The following SEC63 variants were observed in gnomAD, a reference collection of about 807,000 sequenced individuals.
The protein encoded by SEC63 is SEC63 protein translocation regulator, also known as translocation protein SEC63 homolog.
In SEC63, 56 loss-of-function variants were observed where a neutral mutation model predicts 116.2. The observed-to-expected ratio is 0.48, with a 90% CI of 0.39 to 0.60. The LOEUF is 0.60. Ranked by LOEUF, SEC63 falls within the 20% of genes least tolerant of loss-of-function variation. The probability of loss-of-function intolerance (pLI) is 0.00; values close to 1 mark genes in which losing one functional copy is unlikely to be tolerated. For missense variants in SEC63, 668 were observed against 900.0 expected, an observed-to-expected ratio of 0.74 and a Z score of 3.30; for synonymous variants, 273 against 294.6, an observed-to-expected ratio of 0.93 and a Z score of 0.75.
intron 4 of SEC63, among the ~76,000 whole-genome samples, chr6:107,920,656 T>C (rs1242661581): frequency 6.6e-6 from 1 of 152,114 alleles, no homozygotes; most frequent in Non-Finnish European, 1.5e-5. Context: ...CATCACTGAG[T>C]CCTCAAAAGA....
intron 16 of SEC63, among the ~76,000 whole-genome samples, chr6:107,887,646 C>T (rs1786565142): frequency 6.6e-6 from 1 of 152,000 alleles, no homozygotes; most frequent in African/African-American, 2.4e-5. Context: ...ATACCTAATG[C>T]TAGATGACGA....
At chr6:107,876,366 A>G (rs1786266074) in intron 19 of SEC63, among the ~76,000 whole-genome samples, 198 bp downstream of exon 19, 1 of 152,206 alleles carries the variant, frequency 6.6e-6, no homozygotes, top group African/African-American at 2.4e-5. Flanking sequence ...AACATTGACT[A>G]AGTTGCCTAC....
chr6:107,903,001 TAGAA>T lies in SEC63; in HGVS notation c.1055-7_1055-4del, dbSNP rs781736992. ...AGTTGGAGCACGAAACTCCCTTTCT[TAGAA>T]AGAACAGGAAAAAAAGAAACAGGGC... is the stretch of plus-strand genomic sequence containing the variant. On this transcript the variant is annotated splice_region_variant and splice_polypyrimidine_tract_variant and intron_variant, in intron 11 of 20. Coordinates refer to ENST00000369002, the MANE Select transcript of SEC63 (RefSeq NM_007214.5). 1.2e-6 allele frequency: 2 copies of T among 1,613,886 alleles called. No individual in the cohort carries two copies. The highest frequency in any genetic ancestry group is 8.5e-7 in the Non-Finnish European group (1 of 1,179,948).
Position 107,918,904 on chromosome 6 carries a change from C to T in SEC63, c.452+2893G>A, listed in dbSNP as rs2744221. 3.4e-3 allele frequency among the ~76,000 whole-genome samples: 184 copies of T among 54,764 alleles called. 15 individuals carry two copies. The highest frequency in any genetic ancestry group is 0.017 in the Middle Eastern group (1 of 60). 35.9% of individuals were successfully genotyped at this position (54,764 alleles called of 152,430 possible). A position where few individuals can be genotyped will look rare whatever the true frequency, so the allele number is the denominator to read the frequency against. On this transcript the variant is annotated intron_variant, in intron 4 of 20. Transcript: ENST00000369002. ...GAGGAGTTTGGTAGAAGCTGATTTC[C>T]TTTTTTTTTTTTTTTTTTTTTTTTG...
At chr6:107,953,885 G>C (rs1186552404) in intron 1 of SEC63, among the ~76,000 whole-genome samples, 1 of 151,810 alleles carries the variant, frequency 6.6e-6, no homozygotes, top group Non-Finnish European at 1.5e-5. Context: ...CGGTCCGGGA[G>C]GTGAGGGGCG....
intron 14 of SEC63, 142 bp downstream of exon 14, chr6:107,897,502 ATTAAT>A: frequency 1.5e-6 from 1 of 685,748 alleles, no homozygotes; most frequent in South Asian, 1.7e-5. Flanking sequence ...TCTCATGAAA[ATTAAT>A]TTAAAATTTC....
chr6:107,874,410 C>T (rs1486840791), intron 19 of SEC63, among the ~76,000 whole-genome samples: 3 of 152,024 alleles, frequency 2.0e-5, no homozygotes. Context: ...ATGGCTAACA[C>T]AGTGAAACCC....
At chr6:107,895,723 TA>T (rs1786798030) in intron 14 of SEC63, among the ~76,000 whole-genome samples, 1 of 151,734 alleles carries the variant, frequency 6.6e-6, no homozygotes, top group Non-Finnish European at 1.5e-5. Context: ...GGAGAAAATA[TA>T]AATAATAGAA....
At chr6:107,927,308 C>T (rs1380851002) in intron 2 of SEC63, among the ~76,000 whole-genome samples, 7 of 152,184 alleles carry the variant, frequency 4.6e-5, no homozygotes, top group East Asian at 3.9e-4. Flanking sequence ...TCAGGGGATC[C>T]GCCCACCTCG....
At chr6:107,939,809 GGTTT>G (rs1389385984) in intron 1 of SEC63, among the ~76,000 whole-genome samples, 6 of 152,116 alleles carry the variant, frequency 3.9e-5, no homozygotes, top group African/African-American at 2.4e-5. Flanking sequence ...CTTTAACCGT[GGTTT>G]GTTTGCCAGA....
At chr6:107,907,903 G>C (rs1183066127) in intron 8 of SEC63, among the ~76,000 whole-genome samples, 1 of 152,076 alleles carries the variant, frequency 6.6e-6, no homozygotes, top group African/African-American at 2.4e-5. Context: ...CCTCAGAAAA[G>C]AAACAGAAAT....
intron 1 of SEC63, among the ~76,000 whole-genome samples, chr6:107,933,184 T>C (rs2114493502): frequency 6.6e-6 from 1 of 152,156 alleles, no homozygotes; most frequent in East Asian, 1.9e-4. Flanking sequence ...ATACAGGCTA[T>C]CTACAGAAGC....
Position 107,869,736 on chromosome 6 carries a change from A to C in SEC63, c.*1968T>G, listed in dbSNP as rs1786084642. ...TACATACACATCACACAAAGAGAAA[A>C]GGAAAACAAACTGGTGGAATTTTCT... On this transcript the variant is annotated 3_prime_UTR_variant, in exon 21 of 21. Transcript: ENST00000369002. 1 of 150,942 alleles carries C rather than the reference A, an allele frequency of 6.6e-6. No homozygotes were observed. The highest frequency in any genetic ancestry group is 1.9e-4 in the East Asian group (1 of 5,142). 9.4% of individuals were successfully genotyped at this position (150,942 alleles called of 1,614,324 possible). A position where few individuals can be genotyped will look rare whatever the true frequency, so the allele number is the denominator to read the frequency against.
At chr6:107,934,222 G>A (rs933886231) in intron 1 of SEC63, among the ~76,000 whole-genome samples, 3 of 150,266 alleles carry the variant, frequency 2.0e-5, no homozygotes, top group African/African-American at 4.9e-5. Flanking sequence ...TGGCTGCCCA[G>A]TCTGGAAAGT....
intron 6 of SEC63, among the ~76,000 whole-genome samples, chr6:107,911,854 C>T (rs916543699): frequency 3.3e-5 from 5 of 152,096 alleles, no homozygotes; most frequent in African/African-American, 1.2e-4. Context: ...GATAAGAAGC[C>T]CCTGGCCAAA....
At chr6:107,894,355 GGACCTGA>G (rs1437669782) in intron 14 of SEC63, among the ~76,000 whole-genome samples, 1 of 152,094 alleles carries the variant, frequency 6.6e-6, no homozygotes, top group African/African-American at 2.4e-5. Context: ...ACTGCTTATT[GGACCTGA>G]GACCTGAGAC....
Position 107,883,093 on chromosome 6 carries a change from A to T in SEC63, c.1728T>A (p.Ser576=). 6.2e-7 allele frequency: 1 copy of T among 1,612,782 alleles called. No individual in the cohort carries two copies. The highest frequency in any genetic ancestry group is 8.5e-7 in the Non-Finnish European group (1 of 1,179,348). The stretch of plus-strand genomic sequence containing the variant: ...AATCTCTATTGGTTTCTTCTTCTTC[A>T]GAATCACTGCCCTTATCTGAAACTT... ...EEEVSDKGSD[S]EEEETNRDSQ... The change falls in exon 17 of 21, where the codon TCT becomes TCA. Residue 576 remains serine (S), a synonymous_variant. Coordinates refer to ENST00000369002, the MANE Select transcript of SEC63 (RefSeq NM_007214.5).
chr6:107,924,614 C>T (rs1191245967), intron 3 of SEC63, among the ~76,000 whole-genome samples: 1 of 152,056 alleles, frequency 6.6e-6, no homozygotes, highest in East Asian at 1.9e-4. Context: ...TATATTTTAG[C>T]AATTGAAAAC....
At position 107,924,666 on chromosome 6, in the gene SEC63, TATA is replaced by T. The variant is rs71740089; in HGVS notation, c.339+149_339+151del. On this transcript the variant is annotated intron_variant, in intron 3 of 20. Coordinates refer to ENST00000369002, the MANE Select transcript of SEC63 (RefSeq NM_007214.5). ...AACAATCAACAGTTATAGCTTAAAT[TATA>T]ATAACAGAGGATTAGACATCTTATT... The T allele has an allele frequency of 0.82, 503,600 of 614,836 alleles. 209,085 individuals carry two copies. The highest frequency in any genetic ancestry group is 0.9 in the South Asian group (45,777 of 51,028). 38.1% of individuals were successfully genotyped at this position (614,836 alleles called of 1,614,324 possible). A position where few individuals can be genotyped will look rare whatever the true frequency, so the allele number is the denominator to read the frequency against.
Sources: gnomAD v4.1 joint callset for allele counts (sites outside exome capture counted in the v4.1 genomes callset) on GRCh38, gnomAD v4.1.1 for gene constraint, MANE v1.5 for transcripts, NCBI Gene and HGNC (gene_info 2026-07-23, HGNC 2026-07-21) for gene names.